The following PALM3 variants were observed in gnomAD, a reference collection of about 807,000 sequenced individuals.
PALM3 encodes paralemmin 3.
A neutral mutation model predicts 27.9 loss-of-function variants in PALM3; 20 were observed. That is an observed-to-expected ratio of 0.72 (90% CI 0.50 to 1.04). PALM3 has a LOEUF of 1.04. Ranked by LOEUF, PALM3 falls within the 50% of genes least tolerant of loss-of-function variation. The pLI is 0.00. For synonymous variants in PALM3, 328 were observed against 352.7 expected (o/e 0.93, Z 0.79); for missense variants, 814 against 869.4 (o/e 0.94, Z 0.80).
At position 14,056,705 on chromosome 19, in the gene PALM3, G is replaced by A; in HGVS notation, c.271C>T (p.Gln91Ter). 1 of 1,551,758 alleles carries A rather than the reference G, an allele frequency of 6.4e-7. No homozygotes were observed. The highest frequency in any genetic ancestry group is 8.7e-7 in the Non-Finnish European group (1 of 1,147,000). ...TSKDPQSPEG[Q>*]AQARIRNLED... ...AGGTTCCGGATTCGGGCCTGAGCCT[G>A]GCCCTCGGGTGACTGGGGGTCCTTC... The change falls in exon 4 of 7, where the codon CAG becomes TAG. Residue 91 changes from glutamine to a stop codon, truncating the protein, a stop_gained. Coordinates refer to ENST00000669674, the MANE Select transcript of PALM3 (RefSeq NM_001145028.2). LOFTEE classifies it high-confidence loss of function.
At position 14,059,104 on chromosome 19, in the gene PALM3, G is replaced by A; in HGVS notation, c.90+11C>T. ...TGGGGGTGCCCAGGGCGCGGGGAGG[G>A]CGTCACTTACAGCGATGACTTCTAG... is the stretch of plus-strand genomic sequence containing the variant. On this transcript the variant is annotated intron_variant, in intron 2 of 6. Coordinates refer to ENST00000669674, the MANE Select transcript of PALM3 (RefSeq NM_001145028.2). 6.9e-7 allele frequency: 1 copy of A among 1,453,640 alleles called. No homozygotes were observed. The highest frequency in any genetic ancestry group is 9.1e-7 in the Non-Finnish European group (1 of 1,103,502). 90.0% of individuals were successfully genotyped at this position (1,453,640 alleles called of 1,614,324 possible).
rs1482171119 is a variant in PALM3 at position 14,054,423 on chromosome 19, T to C, written c.1249A>G (p.Met417Val). Residue 417 changes from methionine (M) to valine (V), a missense_variant, in exon 7 of 7, where the codon ATG becomes GTG. Coordinates refer to ENST00000669674, the MANE Select transcript of PALM3 (RefSeq NM_001145028.2). ...GGCTTTTCCTCACTTCCTATTCCCA[T>C]GGATTCTTCCGCTTTTCTCTTCTCT... ...EAEKRKAEES[M>V]GIGSEEKPGT... The C allele has an allele frequency of 1.3e-6, 2 of 1,551,842 alleles. No individual in the cohort carries two copies. The highest frequency in any genetic ancestry group is 1.2e-5 in the South Asian group (1 of 84,058).
chr19:14,054,579 T>C lies in PALM3; in HGVS notation c.1093A>G (p.Ser365Gly). 6 of 1,551,924 alleles carry C rather than the reference T, an allele frequency of 3.9e-6. No homozygotes were observed. The highest frequency in any genetic ancestry group is 5.2e-6 in the Non-Finnish European group (6 of 1,147,056). ...SFIWVERVTL[S>G]EEWEELLVEG... ...ACCAGCAGCTCCTCCCACTCTTCACTGAGGGTCACTCTCTCCACCCAAATG... is the reference window on the plus strand; with the variant it reads ...ACCAGCAGCTCCTCCCACTCTTCACCGAGGGTCACTCTCTCCACCCAAATG... Residue 365 changes from serine to glycine, a missense_variant, in exon 7 of 7, where the codon AGT becomes GGT. Transcript: ENST00000669674.
Position 14,056,504 on chromosome 19 carries a change from G to A in PALM3, c.324C>T (p.Ser108=), listed in dbSNP as rs1312560075. 1.9e-6 allele frequency: 3 copies of A among 1,551,494 alleles called. No individual in the cohort carries two copies. Among genetic ancestry groups the A allele is most frequent in the East Asian group, 2.4e-5 (1 of 40,910 alleles). ...AAGCACTTTGCAACAGTTGCAGCTG[G>A]GACTGGAGTCTGAAGAAGAGAGAGG... ...NLEDSLFTLQ[S]QLQLLQSAST... Residue 108 remains serine, a synonymous_variant, in exon 5 of 7, where the codon TCC becomes TCT. Coordinates refer to ENST00000669674, the MANE Select transcript of PALM3 (RefSeq NM_001145028.2).
At chr19:14,056,405 C>T in intron 5 of PALM3, 24 bp downstream of exon 5, 1 of 1,535,364 alleles carries the variant, frequency 6.5e-7, no homozygotes, top group Non-Finnish European at 8.8e-7. Flanking sequence ...CCCTCCCATC[C>T]CACTCCCCTG....
chr19:14,059,918 C>T lies in PALM3; in HGVS notation c.42-755G>A, dbSNP rs140997471. 7.6e-4 allele frequency among the ~76,000 whole-genome samples: 115 copies of T among 152,238 alleles called. 1 individual carries two copies. The highest frequency in any genetic ancestry group is 3.4e-3 in the Middle Eastern group (1 of 294). ...GAGATTCCCCTGTCATTGTCTTCCTCAAAACATCTCTACTTCTCAGCCTCC... is the reference window on the plus strand; with the variant it reads ...GAGATTCCCCTGTCATTGTCTTCCTTAAAACATCTCTACTTCTCAGCCTCC... On this transcript the variant is annotated intron_variant, in intron 1 of 6. Transcript: ENST00000669674.
intron 1 of PALM3, among the ~76,000 whole-genome samples, chr19:14,060,981 G>A (rs959551981): frequency 6.6e-5 from 10 of 152,126 alleles, no homozygotes; most frequent in Non-Finnish European, 4.4e-5. Flanking sequence ...GGCTGGTCTC[G>A]AACTCCTGAC....
chr19:14,060,664 C>T (rs1375512690), intron 1 of PALM3, among the ~76,000 whole-genome samples: 2 of 151,920 alleles, frequency 1.3e-5, no homozygotes, highest in Non-Finnish European at 2.9e-5. Flanking sequence ...ACACAGCTGG[C>T]GAGGGGGGTG....
chr19:14,056,826 G>T (rs1380156010), intron 3 of PALM3, 22 bp from the exon 4 acceptor site: 2 of 1,532,202 alleles, frequency 1.3e-6, no homozygotes, highest in Non-Finnish European at 1.8e-6. Flanking sequence ...AAGGGAGTTG[G>T]GGCTGGGCAT....
rs80123117 is a variant in PALM3 at position 14,053,845 on chromosome 19, G to T, written c.1827C>A (p.Thr609=). The T allele has an allele frequency of 6.4e-7, 1 of 1,551,262 alleles. No homozygotes were observed. The change falls in exon 7 of 7, where the codon ACC becomes ACA. Residue 609 remains threonine, a synonymous_variant. Coordinates refer to ENST00000669674, the MANE Select transcript of PALM3 (RefSeq NM_001145028.2). ...CCAAGGGGCCTTGGCCCTCAGCAGC[G>T]GTTTGGGGCTTCACTCCTTCCTCCT... is the stretch of plus-strand genomic sequence containing the variant. ...ALEEEGVKPQ[T]AAEGQGPLGD...
intron 3 of PALM3, 84 bp downstream of exon 3, chr19:14,057,267 C>G (rs1019134118): frequency 3.3e-6 from 2 of 612,500 alleles, no homozygotes; most frequent in Non-Finnish European, 4.6e-6. Context: ...TGGACAGAGG[C>G]TCCTATCGTC....
intron 3 of PALM3, among the ~76,000 whole-genome samples, 197 bp downstream of exon 3, chr19:14,057,154 C>G (rs978739895): frequency 6.6e-6 from 1 of 152,104 alleles, no homozygotes; most frequent in Non-Finnish European, 1.5e-5. Context: ...GAACAAATGT[C>G]CCCATGACCA....
In PALM3 at chr19:14,053,690, C is replaced by A; in HGVS notation, c.1982G>T (p.Arg661Leu). ...AHPVPTYAPA[R>L]QPEPSAPTEG... ...GGTGGGGGCAGATGGCTCAGGCTGC[C>A]GGGCAGGCGCGTAGGTGGGCACAGG... The change falls in exon 7 of 7, where the codon CGG (arginine) becomes CTG (leucine). Residue 661 changes from arginine (R) to leucine (L), a missense_variant. Physicochemically the swap from Arg to Leu is moderately radical, Grantham distance 102. Coordinates refer to ENST00000669674, the MANE Select transcript of PALM3 (RefSeq NM_001145028.2). The A allele has an allele frequency of 6.7e-7, 1 of 1,487,896 alleles. No homozygotes were observed. The highest frequency in any genetic ancestry group is 8.9e-7 in the Non-Finnish European group (1 of 1,119,814). The allele number at this position is 1,487,896 out of a possible 1,614,324, so 92.2% of individuals were successfully genotyped here.
In PALM3 at chr19:14,053,862, C is replaced by T. The variant is rs1333534239; in HGVS notation, c.1810G>A (p.Gly604Arg). Residue 604 changes from glycine to arginine, a missense_variant, in exon 7 of 7, where the codon GGA becomes AGA. Gly to Arg is a moderately radical substitution (Grantham distance 125). Transcript: ENST00000669674. ...TCAGCAGCGGTTTGGGGCTTCACTCCTTCCTCCTCCAGGGCTCCTACTGGC... is the reference window on the plus strand; with the variant it reads ...TCAGCAGCGGTTTGGGGCTTCACTCTTTCCTCCTCCAGGGCTCCTACTGGC... ...EKPVGALEEE[G>R]VKPQTAAEGQ... 2.4e-5 allele frequency: 37 copies of T among 1,551,386 alleles called. No homozygotes were observed. Among genetic ancestry groups the T allele is most frequent in the Non-Finnish European group, 3.2e-5 (37 of 1,146,872 alleles).
chr19:14,060,419 T>C (rs1298573097), intron 1 of PALM3, among the ~76,000 whole-genome samples: 1 of 152,090 alleles, frequency 6.6e-6, no homozygotes, highest in African/African-American at 2.4e-5. Context: ...TGGAGTCAAC[T>C]CTTTGCTGAG....
intron 2 of PALM3, among the ~76,000 whole-genome samples, chr19:14,058,618 T>C (rs1360602075): frequency 6.7e-6 from 1 of 149,696 alleles, no homozygotes; most frequent in African/African-American, 2.5e-5. Flanking sequence ...GAGGTATGGA[T>C]AGATGGGGTA....
chr19:14,056,609 G>T (rs1976308865), intron 4 of PALM3, 53 bp downstream of exon 4: 1 of 1,551,584 alleles, frequency 6.4e-7, no homozygotes. Flanking sequence ...CCAGGGTCTC[G>T]ATCTCACCCA....
intron 5 of PALM3, among the ~76,000 whole-genome samples, chr19:14,055,953 G>C (rs991588896): frequency 1.3e-5 from 2 of 152,156 alleles, no homozygotes; most frequent in Non-Finnish European, 2.9e-5. Flanking sequence ...CTGTTGCCCA[G>C]GCTGGAGTGC....
rs2145700616 is a variant in PALM3, at chr19:14,053,956, C to T, written c.1716G>A (p.Glu572=). The T allele has an allele frequency of 6.4e-7, 1 of 1,551,684 alleles. No homozygotes were observed. The highest frequency in any genetic ancestry group is 8.7e-7 in the Non-Finnish European group (1 of 1,146,942). Residue 572 remains glutamate (E), a synonymous_variant, in exon 7 of 7, where the codon GAG becomes GAA. Coordinates refer to ENST00000669674, the MANE Select transcript of PALM3 (RefSeq NM_001145028.2). ...TGTTAGCCTCAAGGGGAGGCCCTGC[C>T]TCATTCATCTCCTCTGCCTGGGATT... ...GSESQAEEMN[E]AGPPLEANTE... is the part of the protein sequence containing the mutation.
Sources: gnomAD v4.1 joint callset for allele counts (sites outside exome capture counted in the v4.1 genomes callset) on GRCh38, gnomAD v4.1.1 for gene constraint, MANE v1.5 for transcripts, NCBI Gene and HGNC (gene_info 2026-07-23, HGNC 2026-07-21) for gene names.